COL4A6: variants seen among roughly 807,000 people sequenced by gnomAD.
COL4A6 encodes collagen alpha-6(IV) chain.
In COL4A6, 59 loss-of-function variants were observed where a neutral mutation model predicts 126.7. That is an observed-to-expected ratio of 0.47 (90% CI 0.38 to 0.58). The LOEUF is 0.58. Among genes scored for constraint, COL4A6 ranks in the 20% least tolerant of loss-of-function variants. The pLI is 0.00. For synonymous variants in COL4A6, 547 were observed against 496.6 expected (o/e 1.10, Z -1.35); for missense variants, 1,285 against 1,337.3 (o/e 0.96, Z 0.61).
At chrX:108,211,884 C>A in intron 6 of COL4A6, 144 bp from the exon 7 acceptor site, 1 of 490,392 alleles carries the variant, frequency 2.0e-6, no homozygotes, top group Non-Finnish European at 3.5e-6. Context: ...TACTAAGGGG[C>A]AAAACACATT....
At chrX:108,321,835 T>C (rs7050728) in intron 2 of COL4A6, among the ~76,000 whole-genome samples, 6,355 of 111,153 alleles carry the variant, frequency 0.057, 431 homozygotes, top group African/African-American at 0.18. Flanking sequence ...GCATCTGTTA[T>C]GTGCCTAATT....
At chrX:108,159,369 T>C in intron 44 of COL4A6, 93 bp downstream of exon 44, 1 of 1,011,632 alleles carries the variant, frequency 9.9e-7, no homozygotes, top group Non-Finnish European at 1.4e-6. Context: ...CTTTTCAAAC[T>C]CTATGCTTTC....
At chrX:108,301,493 T>A (rs1224595005) in intron 3 of COL4A6, among the ~76,000 whole-genome samples, 1 of 111,114 alleles carries the variant, frequency 9.0e-6, no homozygotes, top group Non-Finnish European at 1.9e-5. Context: ...CCTAGCAGAT[T>A]TTCTCCACTC....
At chrX:108,219,806 A>T (rs762476332) in intron 4 of COL4A6, 64 bp from the exon 5 acceptor site, 7 of 938,018 alleles carry the variant, frequency 7.5e-6, no homozygotes, top group Non-Finnish European at 1.1e-5. Flanking sequence ...TAGACTCAGT[A>T]GGTTTATGAG....
chrX:108,428,096 G>A (rs1433977351), intron 2 of COL4A6, among the ~76,000 whole-genome samples: 1 of 111,141 alleles, frequency 9.0e-6, no homozygotes, highest in African/African-American at 3.3e-5. Context: ...TGGCTTTCCT[G>A]GGCCACATTG....
chrX:108,330,048 T>TTA (rs58616634), intron 2 of COL4A6, among the ~76,000 whole-genome samples: 6 of 110,067 alleles, frequency 5.5e-5, no homozygotes, highest in East Asian at 5.7e-4. Context: ...GTCTAAACAG[T>TTA]TATATATATA....
At chrX:108,341,746 C>G (rs1471018550) in intron 2 of COL4A6, among the ~76,000 whole-genome samples, 1 of 111,700 alleles carries the variant, frequency 9.0e-6, no homozygotes, top group African/African-American at 3.3e-5. Context: ...ATGGCAGTGA[C>G]TCTTGGGTCA....
At chrX:108,414,259 A>G (rs2041388991) in intron 2 of COL4A6, among the ~76,000 whole-genome samples, 1 of 112,199 alleles carries the variant, frequency 8.9e-6, no homozygotes, top group Admixed American at 9.4e-5. Context: ...AGTTAGGAAG[A>G]TGCGAATGCT....
intron 3 of COL4A6, among the ~76,000 whole-genome samples, chrX:108,241,088 C>A (rs1175081800): frequency 9.1e-6 from 1 of 109,886 alleles, no homozygotes; most frequent in Non-Finnish European, 1.9e-5. Flanking sequence ...ATGATTTGGG[C>A]CCCTATAAAT....
At chrX:108,219,538 A>G (rs1258323770) in intron 5 of COL4A6, among the ~76,000 whole-genome samples, 160 bp downstream of exon 5, 1 of 111,892 alleles carries the variant, frequency 8.9e-6, no homozygotes, top group Non-Finnish European at 1.9e-5. Context: ...TCCAAGGGCA[A>G]TTGTGTGTGA....
At chrX:108,304,045 T>C (rs2038564810) in intron 3 of COL4A6, among the ~76,000 whole-genome samples, 1 of 111,496 alleles carries the variant, frequency 9.0e-6, no homozygotes, top group Admixed American at 9.5e-5. Flanking sequence ...ATCCCACCTA[T>C]GGGAAAACTG....
intron 3 of COL4A6, among the ~76,000 whole-genome samples, chrX:108,265,390 G>GTT (rs5903315): frequency 0.036 from 3,678 of 103,553 alleles, 129 homozygotes; most frequent in African/African-American, 0.1. Context: ...CACCTATTCA[G>GTT]TTTTTTTTTT....
At chrX:108,186,576 A>C (rs2034867219) in intron 23 of COL4A6, among the ~76,000 whole-genome samples, 1 of 111,881 alleles carries the variant, frequency 8.9e-6, no homozygotes, top group Non-Finnish European at 1.9e-5. Context: ...AATTTCTAAA[A>C]TTCAAGTAGA....
intron 8 of COL4A6, among the ~76,000 whole-genome samples, chrX:108,209,694 C>CA (rs1251243302): frequency 8.9e-6 from 1 of 112,105 alleles, no homozygotes; most frequent in Admixed American, 9.4e-5. Flanking sequence ...GAAGGAAAGG[C>CA]AAAATACATT....
intron 2 of COL4A6, among the ~76,000 whole-genome samples, chrX:108,433,557 T>C (rs185838773): frequency 2.9e-3 from 313 of 108,738 alleles, no homozygotes; most frequent in African/African-American, 0.01. Flanking sequence ...AAGGTCTAGC[T>C]CTATTGCTCA....
chrX:108,408,997 C>T (rs930063388), intron 2 of COL4A6, among the ~76,000 whole-genome samples: 1 of 112,141 alleles, frequency 8.9e-6, no homozygotes, highest in Non-Finnish European at 1.9e-5. Flanking sequence ...CTTTCATATA[C>T]TTTATGTGTT....
chrX:108,430,495 A>G (rs1222480091), intron 2 of COL4A6, among the ~76,000 whole-genome samples: 1 of 111,991 alleles, frequency 8.9e-6, no homozygotes, highest in Non-Finnish European at 1.9e-5. Context: ...ATCAGAAGAT[A>G]CCATAATTGG....
At chrX:108,199,982 T>A (rs6524003) in intron 13 of COL4A6, among the ~76,000 whole-genome samples, 1 of 111,900 alleles carries the variant, frequency 8.9e-6, no homozygotes, top group African/African-American at 3.3e-5. Context: ...CTTCACCCGT[T>A]GAGGCTGTGG....
chrX:108,171,416 T>A lies in COL4A6; in HGVS notation c.3248A>T (p.Lys1083Met). ...TVEISGSPGP[K>M]GQPGESGFKG... is the part of the protein sequence containing the mutation. Reference sequence around the variant, plus strand: ...AAAACCAGATTCGCCAGGCTGTCCCTTGGGTCCTGGGCTACCGGAAATTTC... The same window carrying A: ...AAAACCAGATTCGCCAGGCTGTCCCATGGGTCCTGGGCTACCGGAAATTTC... Residue 1083 changes from lysine to methionine, a missense_variant, in exon 33 of 45, where the codon AAG becomes ATG. Transcript: ENST00000334504. The A allele has an allele frequency of 8.3e-7, 1 of 1,211,364 alleles. No individual in the cohort carries two copies. Among genetic ancestry groups the A allele is most frequent in the Non-Finnish European group, 1.1e-6 (1 of 895,212 alleles).
Sources: allele counts gnomAD v4.1 joint callset (sites outside exome capture counted in the v4.1 genomes callset), GRCh38; gene constraint gnomAD v4.1.1; transcripts MANE v1.5; gene names NCBI Gene and HGNC (gene_info 2026-07-23, HGNC 2026-07-21).